PPARG: variants seen among roughly 807,000 people sequenced by gnomAD.
The protein encoded by PPARG is peroxisome proliferator-activated receptor gamma.
In PPARG, 17 loss-of-function variants were observed where a neutral mutation model predicts 39.2. The observed-to-expected ratio is 0.43, with a 90% confidence interval of 0.30 to 0.65. The LOEUF (loss-of-function observed/expected upper bound fraction) is 0.65, where lower values mean the gene tolerates loss of function less well. PPARG is among the 30% of genes least tolerant of loss of function. The pLI is 0.13. For missense variants in PPARG, 406 were observed against 585.9 expected, an observed-to-expected ratio of 0.69 and a Z score of 3.17; for synonymous variants, 223 against 215.7, an observed-to-expected ratio of 1.03 and a Z score of -0.30.
intron 1 of PPARG, among the ~76,000 whole-genome samples, chr3:12,309,189 T>C (rs751790290): frequency 6.6e-6 from 1 of 152,214 alleles, no homozygotes; most frequent in South Asian, 2.1e-4. Context: ...ACAATTAAGA[T>C]GATACTGATT....
At chr3:12,386,313 G>A (rs951719191) in intron 4 of PPARG, among the ~76,000 whole-genome samples, 47 of 147,368 alleles carry the variant, frequency 3.2e-4, no homozygotes, top group African/African-American at 1.2e-3. Flanking sequence ...TCATGAACTC[G>A]GTGTAAAAAA....
chr3:12,406,131 G>A (rs778026969), intron 6 of PPARG, 50 bp downstream of exon 6: 2 of 1,571,920 alleles, frequency 1.3e-6, no homozygotes, highest in East Asian at 4.5e-5. Context: ...AGTTGTTTTG[G>A]GTTTTTGTTT....
At chr3:12,420,017 C>T (rs539579695) in intron 7 of PPARG, among the ~76,000 whole-genome samples, 1 of 152,206 alleles carries the variant, frequency 6.6e-6, no homozygotes, top group South Asian at 2.1e-4. Flanking sequence ...AAGGGCTTTG[C>T]CCTCAGGATA....
At chr3:12,402,950 A>C (rs529909467) in intron 5 of PPARG, among the ~76,000 whole-genome samples, 30 of 152,254 alleles carry the variant, frequency 2.0e-4, no homozygotes, top group Non-Finnish European at 3.5e-4. Context: ...TATACTTTAG[A>C]TCATCTCTAG....
At chr3:12,433,506 C>T (rs1196007880) in intron 7 of PPARG, among the ~76,000 whole-genome samples, 1 of 150,380 alleles carries the variant, frequency 6.6e-6, no homozygotes, top group Non-Finnish European at 1.5e-5. Flanking sequence ...CCACTGCACT[C>T]CAGCCTGGAT....
intron 2 of PPARG, among the ~76,000 whole-genome samples, chr3:12,373,840 G>C (rs1463925405): frequency 1.3e-5 from 2 of 152,154 alleles, no homozygotes; most frequent in African/African-American, 2.4e-5. Context: ...TTTTAAGTTG[G>C]AGGATTCATA....
chr3:12,295,918 A>T (rs1363660655), intron 1 of PPARG, among the ~76,000 whole-genome samples: 1 of 152,152 alleles, frequency 6.6e-6, no homozygotes, highest in Non-Finnish European at 1.5e-5. Flanking sequence ...ATTCTATTCC[A>T]GCATATAGCA....
At chr3:12,315,448 G>A (rs1011054762) in intron 2 of PPARG, among the ~76,000 whole-genome samples, 3 of 152,172 alleles carry the variant, frequency 2.0e-5, no homozygotes, top group Non-Finnish European at 4.4e-5. Flanking sequence ...TGGCTGAAAG[G>A]TATGTAGGAA....
intron 2 of PPARG, among the ~76,000 whole-genome samples, chr3:12,323,921 A>G (rs908817048): frequency 9.8e-5 from 15 of 152,320 alleles, no homozygotes; most frequent in African/African-American, 3.4e-4. Context: ...CGAGTAGGAC[A>G]GTTCTCTTCT....
At chr3:12,315,914 C>T (rs2047376110) in intron 2 of PPARG, among the ~76,000 whole-genome samples, 1 of 152,138 alleles carries the variant, frequency 6.6e-6, no homozygotes, top group Admixed American at 6.5e-5. Context: ...TCTCTTGATC[C>T]ACCAATCATC....
intron 2 of PPARG, among the ~76,000 whole-genome samples, chr3:12,378,650 G>A (rs2049506767): frequency 6.6e-6 from 1 of 152,144 alleles, no homozygotes; most frequent in Non-Finnish European, 1.5e-5. Flanking sequence ...GAGTAAAATG[G>A]TGGTTGCCAG....
At chr3:12,362,470 G>C (rs2048877359) in intron 2 of PPARG, among the ~76,000 whole-genome samples, 2 of 152,090 alleles carry the variant, frequency 1.3e-5, no homozygotes, top group Admixed American at 1.3e-4. Flanking sequence ...AGTGAGCTAA[G>C]ATAATGCCAC....
chr3:12,360,847 G>A (rs2048822992), intron 2 of PPARG, among the ~76,000 whole-genome samples: 1 of 152,178 alleles, frequency 6.6e-6, no homozygotes. Context: ...TGGGCATTCA[G>A]ATGGTTTTCA....
intron 1 of PPARG, chr3:12,301,668 G>C (rs112977766): frequency 3.2e-4 from 47 of 148,860 alleles, no homozygotes; most frequent in African/African-American, 1.1e-3. Context: ...GAAGGTAGGA[G>C]TCTGCTCACT....
intron 6 of PPARG, among the ~76,000 whole-genome samples, chr3:12,410,595 A>G (rs2050848396): frequency 6.6e-6 from 1 of 152,252 alleles, no homozygotes. Context: ...CCAAAGCATC[A>G]CATTGTTTAT....
intron 2 of PPARG, among the ~76,000 whole-genome samples, chr3:12,342,849 T>C (rs1267087026): frequency 6.6e-6 from 1 of 152,056 alleles, no homozygotes; most frequent in Non-Finnish European, 1.5e-5. Context: ...AAAGCAGCAG[T>C]GTATTCTTTC....
intron 5 of PPARG, among the ~76,000 whole-genome samples, chr3:12,404,229 A>C (rs1465219698): frequency 6.6e-6 from 1 of 152,204 alleles, no homozygotes; most frequent in Non-Finnish European, 1.5e-5. Context: ...AGGCTAATTC[A>C]ATTTAAAGGA....
chr3:12,354,773 AAAAG>A lies in PPARG; in HGVS notation c.-8-24927_-8-24924del, dbSNP rs1359070855. Among the ~76,000 whole-genome samples the A allele has an allele frequency of 2.0e-5, 3 of 147,450 alleles. No homozygotes were observed. The East Asian group carries it at 5.9e-4, about 29-fold the overall frequency. Reference sequence around the variant, plus strand: ...CATCTCAAAAAAAAAAAAAAAAAAGAAAAGAAACCTACATTTTAAACACTTTATG... The same window carrying A: ...CATCTCAAAAAAAAAAAAAAAAAAGAAAACCTACATTTTAAACACTTTATG... On this transcript the variant is annotated intron_variant, in intron 2 of 7. Transcript: ENST00000651735.
At chr3:12,429,571 A>AAAAAAAAAAAAAAAAG (rs1559538705) in intron 7 of PPARG, among the ~76,000 whole-genome samples, 1 of 147,980 alleles carries the variant, frequency 6.8e-6, no homozygotes, top group Non-Finnish European at 1.5e-5. Flanking sequence ...AAAAAAAAAA[A>AAAAAAAAAAAAAAAAG]AAGAAGCAGG....
Sources: allele counts gnomAD v4.1 joint callset (sites outside exome capture counted in the v4.1 genomes callset), GRCh38; gene constraint gnomAD v4.1.1; transcripts MANE v1.5; gene names NCBI Gene and HGNC (gene_info 2026-07-23, HGNC 2026-07-21).